RIC1: variants seen among roughly 807,000 people sequenced by gnomAD.
RIC1 encodes the protein guanine nucleotide exchange factor subunit RIC1.
A neutral mutation model predicts 169.0 loss-of-function variants in RIC1; 88 were observed. That is an observed-to-expected ratio of 0.52 (90% CI 0.44 to 0.62). RIC1 has a LOEUF of 0.62. Among genes scored for constraint, RIC1 ranks in the 20% least tolerant of loss-of-function variants. The pLI, the probability that RIC1 is intolerant of heterozygous loss-of-function variation, is 0.00. For missense variants in RIC1, 1,877 were observed against 1,725.5 expected (o/e 1.09, Z -1.56); for synonymous variants, 790 against 601.5 (o/e 1.31, Z -4.59).
chr9:5,657,728 G>A (rs979772661), intron 2 of RIC1, among the ~76,000 whole-genome samples: 11 of 152,020 alleles, frequency 7.2e-5, no homozygotes, highest in African/African-American at 2.7e-4. Flanking sequence ...GTAGTTCTAC[G>A]CTTCCTATAG....
chr9:5,715,228 A>G (rs1823159397), intron 4 of RIC1, among the ~76,000 whole-genome samples: 1 of 152,218 alleles, frequency 6.6e-6, no homozygotes, highest in South Asian at 2.1e-4. Flanking sequence ...TTGATACATA[A>G]GGAATTCTGA....
chr9:5,750,319 TTC>T (rs995416030), intron 12 of RIC1, among the ~76,000 whole-genome samples: 25 of 151,890 alleles, frequency 1.6e-4, no homozygotes, highest in Non-Finnish European at 3.2e-4. Context: ...TTATCCATTG[TTC>T]TGAGGGTGTT....
At chr9:5,747,115 T>G (rs1380381300) in intron 11 of RIC1, among the ~76,000 whole-genome samples, 187 bp from the exon 12 acceptor site, 4 of 152,234 alleles carry the variant, frequency 2.6e-5, no homozygotes, top group Admixed American at 2.6e-4. Flanking sequence ...AGCACTATTC[T>G]TTCTAATTAT....
chr9:5,647,936 GGGTGGTGGTGGTGGTGGTGGT>G (rs77165192), intron 1 of RIC1, among the ~76,000 whole-genome samples: 1 of 121,240 alleles, frequency 8.2e-6, no homozygotes, highest in Non-Finnish European at 1.7e-5. Flanking sequence ...GTGTGGGGGT[GGGTGGTGGTGGTGGTGGTGGT>G]GGTGGTGGTG....
At chr9:5,723,389 C>T (rs1002010201) in intron 6 of RIC1, among the ~76,000 whole-genome samples, 3 of 152,282 alleles carry the variant, frequency 2.0e-5, no homozygotes, top group East Asian at 3.9e-4. Flanking sequence ...CCTTCGCCCA[C>T]TTTTTGATGG....
At chr9:5,750,259 C>G (rs1455837655) in intron 12 of RIC1, among the ~76,000 whole-genome samples, 1 of 151,776 alleles carries the variant, frequency 6.6e-6, no homozygotes, top group Non-Finnish European at 1.5e-5. Flanking sequence ...TTTTAATGCT[C>G]AGTATTTTGT....
chr9:5,637,535 C>G (rs1395392835), intron 1 of RIC1, among the ~76,000 whole-genome samples: 3 of 152,160 alleles, frequency 2.0e-5, no homozygotes, highest in African/African-American at 4.8e-5. Flanking sequence ...CCCTGTTGTG[C>G]TATCAAATAC....
chr9:5,682,956 C>T (rs141240775), intron 2 of RIC1, among the ~76,000 whole-genome samples: 4,680 of 152,286 alleles, frequency 0.031, 98 homozygotes, highest in Middle Eastern at 0.054. Context: ...TTGATCGCAT[C>T]GGCTACTGAG....
At position 5,770,107 on chromosome 9, in the gene RIC1, T is replaced by C. The variant is rs1335445785; in HGVS notation, c.3445T>C (p.Ser1149Pro). 6.2e-7 allele frequency: 1 copy of C among 1,612,806 alleles called. No homozygotes were observed. The highest frequency in any genetic ancestry group is 8.5e-7 in the Non-Finnish European group (1 of 1,179,492). Residue 1149 changes from serine (S) to proline (P), a missense_variant, in exon 23 of 26, where the codon TCT becomes CCT. Physicochemically the swap from Ser to Pro is moderately conservative, Grantham distance 74. Coordinates refer to ENST00000414202, the MANE Select transcript of RIC1 (RefSeq NM_020829.4). ...TGCAGTGGGAGAGCAGCTGTTAAAG[T>C]CTCAATCAGCTGACCCATTTTTGAA... Reference protein sequence around the residue: ...YRTVGEQLLKSQSADPFLNLE... With the variant: ...YRTVGEQLLKPQSADPFLNLE...
intron 6 of RIC1, among the ~76,000 whole-genome samples, chr9:5,725,445 T>C (rs867175378): frequency 6.6e-6 from 1 of 152,230 alleles, no homozygotes; most frequent in Non-Finnish European, 1.5e-5. Flanking sequence ...GATTCTTCTC[T>C]CTTTACTTCT....
chr9:5,725,572 G>C (rs1017763461), intron 6 of RIC1, among the ~76,000 whole-genome samples: 4 of 151,990 alleles, frequency 2.6e-5, no homozygotes, highest in Non-Finnish European at 5.9e-5. Flanking sequence ...GTTCTGCTCT[G>C]ATCTTAGTTA....
chr9:5,698,826 T>C (rs758457382), intron 3 of RIC1, among the ~76,000 whole-genome samples: 28 of 152,224 alleles, frequency 1.8e-4, no homozygotes, highest in Admixed American at 3.3e-4. Flanking sequence ...GTAAATATAA[T>C]GTGCCTCCAT....
rs1314822740 is a variant in RIC1 at position 5,679,084 on chromosome 9, C to G, written c.253-10875C>G. Among the ~76,000 whole-genome samples, 4 of 152,108 alleles carry G rather than the reference C, an allele frequency of 2.6e-5. No homozygotes were observed. In the South Asian group the frequency reaches 8.3e-4, roughly 32 times the overall value. Reference sequence around the variant, plus strand: ...ATATGGCTAGCCAGTTTTCCCAGCACCATTTATTAAATAGGGAATCCTTTC... The same window carrying G: ...ATATGGCTAGCCAGTTTTCCCAGCAGCATTTATTAAATAGGGAATCCTTTC... On this transcript the variant is annotated intron_variant, in intron 2 of 25. Coordinates refer to ENST00000414202, the MANE Select transcript of RIC1 (RefSeq NM_020829.4).
intron 19 of RIC1, chr9:5,765,028 C>T (rs1261119004): frequency 6.2e-6 from 1 of 161,174 alleles, no homozygotes; most frequent in Non-Finnish European, 1.3e-5. Context: ...GGAGACAGAC[C>T]TGACCTATTT....
intron 2 of RIC1, among the ~76,000 whole-genome samples, chr9:5,657,493 C>G (rs1305248012): frequency 1.3e-5 from 2 of 152,048 alleles, no homozygotes; most frequent in Admixed American, 1.3e-4. Flanking sequence ...ATATTATTAT[C>G]CTTCATAATG....
Position 5,776,012 on chromosome 9 carries a change from T to C in RIC1, c.*1766T>C, listed in dbSNP as rs1827562829. 1 of 152,142 alleles carries C rather than the reference T, an allele frequency of 6.6e-6. No homozygotes were observed. Among genetic ancestry groups the C allele is most frequent in the Non-Finnish European group, 1.5e-5 (1 of 68,002 alleles). The allele number at this position is 152,142 out of a possible 1,614,324, so 9.4% of individuals were successfully genotyped here. On this transcript the variant is annotated 3_prime_UTR_variant, in exon 26 of 26. Transcript: ENST00000414202. ...TTAAGGAGAAGAACCAGCATTGCTT[T>C]TGTGTTTGGTGTGAATATTCAGTCA... is the stretch of plus-strand genomic sequence containing the variant.
Position 5,738,545 on chromosome 9 carries a change from C to CT in RIC1, c.901+28dup, listed in dbSNP as rs74310870. 0.065 allele frequency: 52,667 copies of CT among 811,660 alleles called. 1,159 individuals carry two copies. Among genetic ancestry groups the CT allele is most frequent in the African/African-American group, 0.18 (8,214 of 45,400 alleles). 50.3% of individuals were successfully genotyped at this position (811,660 alleles called of 1,614,324 possible). ...ACAGCAAAACAGTATCCTGGTGAGT[C>CT]TTTTTTTTTTTTTTTTTTTTTAACA... On this transcript the variant is annotated splice_region_variant and intron_variant, in intron 8 of 25. Transcript: ENST00000414202.
At chr9:5,695,863 A>G (rs890903437) in intron 3 of RIC1, among the ~76,000 whole-genome samples, 5 of 151,844 alleles carry the variant, frequency 3.3e-5, no homozygotes, top group African/African-American at 7.3e-5. Context: ...GAGCCACTGC[A>G]CCCGGCCTAT....
chr9:5,666,113 T>G (rs143256031), intron 2 of RIC1, among the ~76,000 whole-genome samples: 9 of 152,034 alleles, frequency 5.9e-5, no homozygotes, highest in Non-Finnish European at 1.2e-4. Context: ...TCTGTCTAAT[T>G]GGGGGTGGCT....
Sources: gnomAD v4.1 joint callset for allele counts (sites outside exome capture counted in the v4.1 genomes callset) on GRCh38, gnomAD v4.1.1 for gene constraint, MANE v1.5 for transcripts, NCBI Gene and HGNC (gene_info 2026-07-23, HGNC 2026-07-21) for gene names.